B3GLCT: variants seen among roughly 807,000 people sequenced by gnomAD.
B3GLCT encodes the protein beta 3-glucosyltransferase.
A neutral mutation model predicts 63.4 loss-of-function variants in B3GLCT; 65 were observed. That is an observed-to-expected ratio of 1.03 (90% CI 0.84 to 1.26). The LOEUF is 1.26. Ranked by LOEUF, B3GLCT falls within the 50% of genes most tolerant of loss-of-function variation. The probability of loss-of-function intolerance (pLI) is 0.00; values close to 1 mark genes in which losing one functional copy is unlikely to be tolerated. For synonymous variants in B3GLCT, 233 were observed against 219.2 expected (o/e 1.06, Z -0.55); for missense variants, 577 against 604.8 (o/e 0.95, Z 0.48).
At chr13:31,220,269 A>G (rs967613068) in intron 2 of B3GLCT, among the ~76,000 whole-genome samples, 7 of 152,218 alleles carry the variant, frequency 4.6e-5, no homozygotes, top group Non-Finnish European at 7.3e-5. Context: ...CATTACATGT[A>G]TGGATTGCAA....
Position 31,329,753 on chromosome 13 carries a change from T to G in B3GLCT, c.*85T>G. The G allele has an allele frequency of 1.4e-6, 2 of 1,452,144 alleles. No individual in the cohort carries two copies. Among genetic ancestry groups the G allele is most frequent in the Non-Finnish European group, 1.9e-6 (2 of 1,041,630 alleles). The allele number at this position is 1,452,144 out of a possible 1,614,324, so 90.0% of individuals were successfully genotyped here. On this transcript the variant is annotated 3_prime_UTR_variant, in exon 15 of 15. Transcript: ENST00000343307. The stretch of plus-strand genomic sequence containing the variant: ...CCCACTGTGCTGTGCTCACAACACT[T>G]GTGTCTGCCACATGGCATTGGGTGC...
At chr13:31,280,350 C>T (rs545784554) in intron 10 of B3GLCT, among the ~76,000 whole-genome samples, 78 of 152,170 alleles carry the variant, frequency 5.1e-4, no homozygotes, top group African/African-American at 1.7e-3. Flanking sequence ...TGGCTTCAGC[C>T]GGTCCCTCCG....
At chr13:31,210,367 T>TTCAACA (rs1250704672) in intron 1 of B3GLCT, among the ~76,000 whole-genome samples, 1 of 152,252 alleles carries the variant, frequency 6.6e-6, no homozygotes, top group Admixed American at 6.5e-5. Context: ...TTTTCAACAA[T>TTCAACA]ATTTTCCCTA....
chr13:31,251,801 A>G (rs1217724911), intron 6 of B3GLCT, among the ~76,000 whole-genome samples: 1 of 152,234 alleles, frequency 6.6e-6, no homozygotes, highest in African/African-American at 2.4e-5. Context: ...TCTTCAGGAT[A>G]TTATCCGGGA....
chr13:31,209,847 G>A lies in B3GLCT; in HGVS notation c.71-5204G>A, dbSNP rs117447427. On this transcript the variant is annotated intron_variant, in intron 1 of 14. Transcript: ENST00000343307. ...GTGGTTTTCTTGTTTTTACTGTTCC[G>A]TTTGGTTTCTATGATAGATGTTCCT... is the stretch of plus-strand genomic sequence containing the variant. Among the ~76,000 whole-genome samples the A allele has an allele frequency of 6.6e-3, 1,012 of 152,314 alleles. 8 individuals carry two copies. Among genetic ancestry groups the A allele is most frequent in the Non-Finnish European group, 0.01 (704 of 68,016 alleles).
rs555711539 is a variant in B3GLCT, at chr13:31,224,822, G to C, written c.160+1831G>C. 1.2e-4 allele frequency among the ~76,000 whole-genome samples: 19 copies of C among 152,200 alleles called. No individual in the cohort carries two copies. The South Asian group carries it at 3.7e-3, about 30-fold the overall frequency. On this transcript the variant is annotated intron_variant, in intron 3 of 14. Transcript: ENST00000343307. ...CTTATATCAGAAGTACATCGTATTG[G>C]TTTTTCATCAGAAAAACACCAGCAT...
rs1871313521 is a variant in B3GLCT at position 31,249,039 on chromosome 13, T to C, written c.459+1073T>C. On this transcript the variant is annotated intron_variant, in intron 6 of 14. Coordinates refer to ENST00000343307, the MANE Select transcript of B3GLCT (RefSeq NM_194318.4). The stretch of plus-strand genomic sequence containing the variant: ...AGAGATGGGCCCTTTCTGGTCCCAG[T>C]GGAAACCTGTCCCACCCACCTTCGA... Among the ~76,000 whole-genome samples the C allele has an allele frequency of 2.0e-5, 3 of 152,166 alleles. No homozygotes were observed. The South Asian group carries it at 6.2e-4, about 32-fold the overall frequency.
intron 6 of B3GLCT, among the ~76,000 whole-genome samples, chr13:31,253,055 AACTC>A (rs1593274985): frequency 6.6e-6 from 1 of 152,360 alleles, no homozygotes; most frequent in East Asian, 1.9e-4. Context: ...AGGACTAAGA[AACTC>A]ACTCAAAACC....
intron 10 of B3GLCT, among the ~76,000 whole-genome samples, chr13:31,281,466 T>C (rs1873067685): frequency 6.6e-6 from 1 of 152,076 alleles, no homozygotes; most frequent in Admixed American, 6.6e-5. Flanking sequence ...TACAGCCAGA[T>C]AGAAGGCCAG....
intron 11 of B3GLCT, 74 bp from the exon 12 acceptor site, chr13:31,286,646 T>TA: frequency 9.0e-7 from 1 of 1,115,176 alleles, no homozygotes; most frequent in Non-Finnish European, 1.3e-6. Context: ...ACTTCAAAAC[T>TA]AAAAAGAAAT....
intron 1 of B3GLCT, among the ~76,000 whole-genome samples, chr13:31,211,119 G>A (rs1421664330): frequency 6.6e-6 from 1 of 152,188 alleles, no homozygotes; most frequent in Non-Finnish European, 1.5e-5. Context: ...TGGCAGCCGG[G>A]CATGGTGGTT....
At chr13:31,293,002 C>T (rs994584120) in intron 12 of B3GLCT, among the ~76,000 whole-genome samples, 1 of 152,108 alleles carries the variant, frequency 6.6e-6, no homozygotes, top group Non-Finnish European at 1.5e-5. Context: ...GGTTCTGGTA[C>T]ATTGTGTGTT....
intron 12 of B3GLCT, among the ~76,000 whole-genome samples, chr13:31,301,427 TA>T (rs1874217721): frequency 1.3e-5 from 2 of 152,232 alleles, no homozygotes; most frequent in Admixed American, 1.3e-4. Context: ...CAGTACTGGA[TA>T]GGGGGAACAT....
intron 12 of B3GLCT, among the ~76,000 whole-genome samples, chr13:31,313,548 G>T (rs1213939567): frequency 6.6e-6 from 1 of 152,218 alleles, no homozygotes; most frequent in Non-Finnish European, 1.5e-5. Flanking sequence ...TTTAGGGTAT[G>T]TGGTGGAAGA....
rs1289481148 is a variant in B3GLCT at position 31,229,245 on chromosome 13, C to T, written c.221C>T (p.Ala74Val). ...AGTAATTCTTTTCATGCAAAGAGAG[C>T]AGAGCAGTTAAAAAAAAGCATCTTA... ...SQSNSFHAKR[A>V]EQLKKSILKQ... The change falls in exon 4 of 15, where the codon GCA becomes GTA. Residue 74 changes from alanine to valine, a missense_variant. Physicochemically the swap from Ala to Val is moderately conservative, Grantham distance 64. Coordinates refer to ENST00000343307, the MANE Select transcript of B3GLCT (RefSeq NM_194318.4). The T allele has an allele frequency of 3.1e-6, 5 of 1,613,284 alleles. No individual in the cohort carries two copies. Among genetic ancestry groups the T allele is most frequent in the Admixed American group, 1.7e-5 (1 of 59,982 alleles).
intron 12 of B3GLCT, among the ~76,000 whole-genome samples, chr13:31,315,957 T>G (rs945639709): frequency 2.6e-5 from 4 of 152,220 alleles, no homozygotes; most frequent in Non-Finnish European, 5.9e-5. Context: ...CTTTAGCAGC[T>G]TCCATGTAGT....
intron 6 of B3GLCT, among the ~76,000 whole-genome samples, chr13:31,256,117 G>T (rs1448771146): frequency 1.3e-5 from 2 of 152,162 alleles, no homozygotes; most frequent in African/African-American, 4.8e-5. Context: ...CCATCAAAAA[G>T]TAGGCAGAGG....
chr13:31,322,176 C>T (rs746042779), intron 13 of B3GLCT, among the ~76,000 whole-genome samples: 1 of 152,234 alleles, frequency 6.6e-6, no homozygotes, highest in Non-Finnish European at 1.5e-5. Flanking sequence ...GCCTTTTTGG[C>T]AGCCTTGGGA....
chr13:31,212,016 T>TA (rs1458794982), intron 1 of B3GLCT, among the ~76,000 whole-genome samples: 11 of 152,354 alleles, frequency 7.2e-5, no homozygotes, highest in Admixed American at 7.2e-4. Flanking sequence ...TTAAGAAAGT[T>TA]ATCTTATTTG....
Sources: allele counts gnomAD v4.1 joint callset (sites outside exome capture counted in the v4.1 genomes callset), GRCh38; gene constraint gnomAD v4.1.1; transcripts MANE v1.5; gene names NCBI Gene and HGNC (gene_info 2026-07-23, HGNC 2026-07-21).